Variants in RYR1 observed in about 807,000 individuals in gnomAD.
RYR1 encodes central core disease of muscle.
RYR1 carries 342 observed loss-of-function variants against 583.5 expected under a neutral mutation model. That is an observed-to-expected ratio of 0.59 (90% CI 0.54 to 0.64). The LOEUF (loss-of-function observed/expected upper bound fraction) is 0.64, where lower values mean the gene tolerates loss of function less well. RYR1 is among the 30% of genes least tolerant of loss of function. The pLI, the probability that RYR1 is intolerant of heterozygous loss-of-function variation, is 0.00. For synonymous variants in RYR1, 2,791 were observed against 2,822.5 expected (o/e 0.99, Z 0.35); for missense variants, 6,032 against 6,917.2 (o/e 0.87, Z 4.54).
chr19:38,445,030 G>A (rs934758251), intron 7 of RYR1, among the ~76,000 whole-genome samples: 3 of 151,990 alleles, frequency 2.0e-5, no homozygotes, highest in Admixed American at 6.6e-5. Flanking sequence ...GCCGAGGCAG[G>A]TGGATCACCT....
rs762681315 is a variant in RYR1, at chr19:38,485,631, A to G, written c.4976A>G (p.Gln1659Arg). The part of the protein sequence containing the change: ...ILELSERLDL[Q>R]RFHSHTLRLY... ...GAGCTGTCGGAGCGCCTGGACCTGCAGCGCTTCCACTCGCACACCCTGCGC... is the reference window on the plus strand; with the variant it reads ...GAGCTGTCGGAGCGCCTGGACCTGCGGCGCTTCCACTCGCACACCCTGCGC... Residue 1659 changes from glutamine to arginine, a missense_variant, in exon 34 of 106, where the codon CAG becomes CGG. This residue lies in a region of RYR1 where 2,627 missense variants were observed against 2,961.3 expected (regional missense o/e 0.89). Transcript: ENST00000359596. 6 of 1,610,076 alleles carry G rather than the reference A, an allele frequency of 3.7e-6. No homozygotes were observed. The South Asian group carries it at 5.5e-5, about 15-fold the overall frequency.
Position 38,473,429 on chromosome 19 carries a change from AC to A in RYR1, c.3820del (p.Arg1274AlafsTer17). ...VDTPPCLRLT[H>X]RTWGSQNSLV... ...ACGCCCCCCTGCCTGCGCCTGACCC[AC>A]CGCACCTGGGGCTCCCAGAACAGCC... On this transcript the variant is annotated frameshift_variant, in exon 28 of 106. Coordinates refer to ENST00000359596, the MANE Select transcript of RYR1 (RefSeq NM_000540.3). LOFTEE classifies it high-confidence loss of function. The A allele has an allele frequency of 6.2e-7, 1 of 1,613,626 alleles. No individual in the cohort carries two copies. Among genetic ancestry groups the A allele is most frequent in the Non-Finnish European group, 8.5e-7 (1 of 1,179,914 alleles).
chr19:38,583,604 C>T (rs535966968), intron 101 of RYR1, among the ~76,000 whole-genome samples: 10 of 152,220 alleles, frequency 6.6e-5, no homozygotes, highest in South Asian at 4.2e-4. Context: ...ATCACCCTGC[C>T]GTGGCTTACA....
chr19:38,477,637 C>A, intron 29 of RYR1, 73 bp from the exon 30 acceptor site: 1 of 1,607,218 alleles, frequency 6.2e-7, no homozygotes, highest in Non-Finnish European at 8.5e-7. Flanking sequence ...CCAGGGAAAC[C>A]AATTTCGAGT....
In RYR1 at chr19:38,464,630, C is replaced by G. The variant is rs375167590; in HGVS notation, c.2787-9C>G. Reference sequence around the variant, plus strand: ...GCGTGACCTGTCGCCTCCACTCCCCCACCCCCAGGACTCTGCTGGCTCTGG... The same window carrying G: ...GCGTGACCTGTCGCCTCCACTCCCCGACCCCCAGGACTCTGCTGGCTCTGG... On this transcript the variant is annotated splice_polypyrimidine_tract_variant and intron_variant, in intron 22 of 105. Coordinates refer to ENST00000359596, the MANE Select transcript of RYR1 (RefSeq NM_000540.3). The G allele has an allele frequency of 4.5e-6, 7 of 1,572,038 alleles. No homozygotes were observed. In the East Asian group the frequency reaches 9.3e-5, roughly 21 times the overall value.
intron 1 of RYR1, among the ~76,000 whole-genome samples, chr19:38,438,616 CT>C (rs71165544): frequency 1.3e-4 from 12 of 93,958 alleles, no homozygotes; most frequent in Admixed American, 3.2e-4. Flanking sequence ...CCAGGCTAGT[CT>C]TTTTTTTTTT....
At chr19:38,569,213 T>C (rs1228948372) in intron 93 of RYR1, among the ~76,000 whole-genome samples, 1 of 152,118 alleles carries the variant, frequency 6.6e-6, no homozygotes, top group Non-Finnish European at 1.5e-5. Context: ...GGTTTCACCG[T>C]GTTAGCCAGA....
At chr19:38,443,671 C>T (rs769145749) in intron 4 of RYR1, 39 bp downstream of exon 4, 4 of 1,613,456 alleles carry the variant, frequency 2.5e-6, no homozygotes, top group Non-Finnish European at 2.5e-6. Context: ...GGGGCCAGGG[C>T]ATGTGGGGCC....
chr19:38,458,739 C>T (rs1339052495), intron 18 of RYR1, among the ~76,000 whole-genome samples: 1 of 152,170 alleles, frequency 6.6e-6, no homozygotes, highest in East Asian at 1.9e-4. Context: ...ATTCTCCTGC[C>T]TCAGCCTCCT....
Position 38,443,781 on chromosome 19 carries a change from C to G in RYR1, c.409C>G (p.Gln137Glu). Residue 137 changes from glutamine to glutamate, a missense_variant, in exon 5 of 106, where the codon CAG becomes GAG. This residue lies in a region of RYR1 where 338 missense variants were observed against 441.6 expected (regional missense o/e 0.77). Coordinates refer to ENST00000359596, the MANE Select transcript of RYR1 (RefSeq NM_000540.3). ...CAAGCTGGCCTTCGATGTGGGACTG[C>G]AGGAGGACGCAACAGGTGCAGCAGC... ...TDKLAFDVGL[Q>E]EDATGEACWW... The G allele has an allele frequency of 6.2e-7, 1 of 1,614,124 alleles. No homozygotes were observed. Among genetic ancestry groups the G allele is most frequent in the Non-Finnish European group, 8.5e-7 (1 of 1,179,992 alleles).
intron 30 of RYR1, among the ~76,000 whole-genome samples, 163 bp from the exon 31 acceptor site, chr19:38,478,272 C>T (rs1968840539): frequency 6.6e-6 from 1 of 152,102 alleles, no homozygotes; most frequent in Non-Finnish European, 1.5e-5. Flanking sequence ...CTCCGAAGAG[C>T]TCAGTGTCCG....
intron 22 of RYR1, among the ~76,000 whole-genome samples, chr19:38,464,310 GAAGC>G (rs1967971023): frequency 1.1e-5 from 1 of 93,036 alleles, no homozygotes; most frequent in East Asian, 2.5e-4. Context: ...AAAAAAAAAA[GAAGC>G]AAACGGGGAG....
intron 16 of RYR1, 35 bp downstream of exon 16, chr19:38,455,786 A>C: frequency 7.6e-7 from 1 of 1,307,224 alleles, no homozygotes; most frequent in African/African-American, 1.5e-5. Flanking sequence ...CATCCCCTGA[A>C]CTCTGAATGC....
At chr19:38,581,802 C>T (rs1164693427) in intron 101 of RYR1, among the ~76,000 whole-genome samples, 3 of 151,058 alleles carry the variant, frequency 2.0e-5, no homozygotes, top group East Asian at 2.0e-4. Flanking sequence ...GTGGGGGGGT[C>T]TCACAATGTT....
intron 31 of RYR1, among the ~76,000 whole-genome samples, chr19:38,479,937 C>T (rs1456953088): frequency 6.6e-6 from 1 of 152,048 alleles, no homozygotes; most frequent in Non-Finnish European, 1.5e-5. Flanking sequence ...CCAGGCTGGT[C>T]TCAAACTCCT....
At chr19:38,463,651 G>A (rs1967912791) in intron 21 of RYR1, 96 bp from the exon 22 acceptor site, 3 of 1,462,644 alleles carry the variant, frequency 2.1e-6, no homozygotes, top group Non-Finnish European at 2.9e-6. Flanking sequence ...ACTGAGGGTG[G>A]CAGAACTAGG....
chr19:38,453,265 C>T (rs1400109767), intron 13 of RYR1, among the ~76,000 whole-genome samples: 1 of 143,084 alleles, frequency 7.0e-6, no homozygotes, highest in Non-Finnish European at 1.5e-5. Flanking sequence ...GGCGTATGGC[C>T]GACCAGGGGG....
chr19:38,576,058 G>A, intron 97 of RYR1, 97 bp downstream of exon 97: 1 of 1,442,600 alleles, frequency 6.9e-7, no homozygotes, highest in East Asian at 2.3e-5. Context: ...TGTGACCTTG[G>A]GCAAGAGGTT....
At chr19:38,559,891 T>C (rs1973048529) in intron 89 of RYR1, among the ~76,000 whole-genome samples, 1 of 151,746 alleles carries the variant, frequency 6.6e-6, no homozygotes, top group Non-Finnish European at 1.5e-5. Flanking sequence ...CAGAGTGTGC[T>C]ACACAGCAAA....
Sources: allele counts gnomAD v4.1 joint callset (sites outside exome capture counted in the v4.1 genomes callset), GRCh38; gene constraint gnomAD v4.1.1; regional missense constraint gnomAD v4.1.1; transcripts MANE v1.5; gene names NCBI Gene and HGNC (gene_info 2026-07-23, HGNC 2026-07-21).